Variants in RFPL1 observed in about 807,000 individuals in gnomAD.
The protein encoded by RFPL1 is ret finger protein like 1.
RFPL1 carries 6 observed loss-of-function variants against 9.6 expected under a neutral mutation model. That is an observed-to-expected ratio of 0.62 (90% CI 0.34 to 1.23). RFPL1 has a LOEUF of 1.23. Ranked by LOEUF, RFPL1 falls within the 50% of genes most tolerant of loss-of-function variation. The pLI, the probability that RFPL1 is intolerant of heterozygous loss-of-function variation, is 0.03. For missense variants in RFPL1, 352 were observed against 398.4 expected, an observed-to-expected ratio of 0.88 and a Z score of 0.99; for synonymous variants, 145 against 149.4, an observed-to-expected ratio of 0.97 and a Z score of 0.22.
At chr22:29,414,472 T>C in the RFPL1 span, among the ~76,000 whole-genome samples, 6 of 152,238 alleles carry the variant, frequency 3.9e-5, no homozygotes, top group African/African-American at 7.2e-5. Flanking sequence ...GCTTTTTTTT[T>C]CCTGGTTCTG....
the RFPL1 span, among the ~76,000 whole-genome samples, chr22:29,432,004 A>G: frequency 6.6e-6 from 1 of 152,130 alleles, no homozygotes; most frequent in Non-Finnish European, 1.5e-5. Context: ...AGTTCTTAAT[A>G]AGATAACTTA....
At chr22:29,416,914 C>T in the RFPL1 span, among the ~76,000 whole-genome samples, 4 of 152,166 alleles carry the variant, frequency 2.6e-5, no homozygotes, top group Admixed American at 6.5e-5. Context: ...CCCGTGGTCC[C>T]AGAGTCACAG....
At chr22:29,396,810 G>A in the RFPL1 span, among the ~76,000 whole-genome samples, 4 of 150,178 alleles carry the variant, frequency 2.7e-5, no homozygotes, top group African/African-American at 9.8e-5. Flanking sequence ...ACAGGGTTTT[G>A]CCTCATGTGC....
the RFPL1 span, among the ~76,000 whole-genome samples, chr22:29,398,144 A>G: frequency 6.6e-6 from 1 of 152,100 alleles, no homozygotes; most frequent in Non-Finnish European, 1.5e-5. Context: ...CTGGGGCTGC[A>G]CTCATGGGGG....
the RFPL1 span, among the ~76,000 whole-genome samples, chr22:29,417,883 A>G: frequency 6.6e-6 from 1 of 150,536 alleles, no homozygotes; most frequent in Non-Finnish European, 1.5e-5. Context: ...AGTTTGGGGT[A>G]GTGAGCTGGG....
At chr22:29,426,990 T>C in the RFPL1 span, among the ~76,000 whole-genome samples, 2 of 152,142 alleles carry the variant, frequency 1.3e-5, no homozygotes, top group East Asian at 3.9e-4. Context: ...TTTACATCCA[T>C]GAAATGGGGC....
At chr22:29,439,025 C>T in exon 1 of RFPL1, 2 of 1,614,126 alleles carry the variant, frequency 1.2e-6, no homozygotes. Context: ...ATCTACTTTG[C>T]TGTTGCTGTT....
At chr22:29,419,894 G>T in the RFPL1 span, among the ~76,000 whole-genome samples, 1 of 152,156 alleles carries the variant, frequency 6.6e-6, no homozygotes, top group Non-Finnish European at 1.5e-5. Flanking sequence ...AGGTTCTGAG[G>T]AAGACAAAAG....
chr22:29,406,180 G>C, the RFPL1 span, among the ~76,000 whole-genome samples: 4 of 139,502 alleles, frequency 2.9e-5, no homozygotes, highest in Admixed American at 2.2e-4. Flanking sequence ...TCTTTCATGA[G>C]CTGGAAAGCA....
chr22:29,395,990 AATAAG>A, the RFPL1 span, among the ~76,000 whole-genome samples: 1 of 152,022 alleles, frequency 6.6e-6, no homozygotes, highest in African/African-American at 2.4e-5. Context: ...AGAGAAGAGA[AATAAG>A]AGAAAAGAGA....
At chr22:29,409,724 C>T in the RFPL1 span, among the ~76,000 whole-genome samples, 25 of 152,134 alleles carry the variant, frequency 1.6e-4, no homozygotes, top group Admixed American at 1.6e-3. Flanking sequence ...AAAAATCTGA[C>T]CATGTATATT....
At chr22:29,416,151 TTCCTGGGCCACAG>T in the RFPL1 span, among the ~76,000 whole-genome samples, 1 of 152,242 alleles carries the variant, frequency 6.6e-6, no homozygotes, top group Non-Finnish European at 1.5e-5. Context: ...CTCATTCCCA[TTCCTGGGCCACAG>T]TCAAAGGGAA....
the RFPL1 span, among the ~76,000 whole-genome samples, chr22:29,402,859 A>C: frequency 7.1e-6 from 1 of 140,234 alleles, no homozygotes; most frequent in Non-Finnish European, 1.5e-5. Flanking sequence ...CGAATAGTGC[A>C]GTCACCACAG....
At chr22:29,410,242 G>A in the RFPL1 span, among the ~76,000 whole-genome samples, 1 of 127,834 alleles carries the variant, frequency 7.8e-6, no homozygotes, top group African/African-American at 3.1e-5. Context: ...TATATATATA[G>A]TAGATATATA....
chr22:29,421,539 A>G, the RFPL1 span, among the ~76,000 whole-genome samples: 2 of 149,008 alleles, frequency 1.3e-5, no homozygotes, highest in Non-Finnish European at 3.0e-5. Context: ...TACCTCTCCA[A>G]TTGCTTTCTC....
At chr22:29,413,786 A>C in the RFPL1 span, among the ~76,000 whole-genome samples, 1 of 152,210 alleles carries the variant, frequency 6.6e-6, no homozygotes, top group Non-Finnish European at 1.5e-5. Context: ...TTTTATTTTA[A>C]TGTCCAGTTC....
At chr22:29,423,896 T>C in the RFPL1 span, among the ~76,000 whole-genome samples, 2 of 152,148 alleles carry the variant, frequency 1.3e-5, no homozygotes, top group South Asian at 4.1e-4. Context: ...AAGCTCACGG[T>C]GTAAAGTACT....
chr22:29,398,929 G>A, the RFPL1 span, among the ~76,000 whole-genome samples: 2 of 152,052 alleles, frequency 1.3e-5, no homozygotes, highest in African/African-American at 4.8e-5. Flanking sequence ...AGCAGGGATG[G>A]GCCACACTGT....
the RFPL1 span, among the ~76,000 whole-genome samples, chr22:29,410,728 A>T: frequency 6.7e-6 from 1 of 149,134 alleles, no homozygotes; most frequent in Non-Finnish European, 1.5e-5. Flanking sequence ...TCTCGGCTCA[A>T]TGAACCCATC....
Sources: gnomAD v4.1 joint callset for allele counts (sites outside exome capture counted in the v4.1 genomes callset) on GRCh38, gnomAD v4.1.1 for gene constraint, MANE v1.5 for transcripts, NCBI Gene and HGNC (gene_info 2026-07-23, HGNC 2026-07-21) for gene names.